The following FUT8 variants were observed in gnomAD, a reference collection of about 807,000 sequenced individuals.
The protein encoded by FUT8 is fucosyltransferase 8, also known as alpha-(1,6)-fucosyltransferase.
Under a neutral mutation model 71.3 loss-of-function variants are expected in FUT8, and 29 were observed. That is an observed-to-expected ratio of 0.41 (90% CI 0.30 to 0.55). The LOEUF (loss-of-function observed/expected upper bound fraction) is 0.55, where lower values mean the gene tolerates loss of function less well. Ranked by LOEUF, FUT8 falls within the 20% of genes least tolerant of loss-of-function variation. The pLI, the probability that FUT8 is intolerant of heterozygous loss-of-function variation, is 0.34. For synonymous variants in FUT8, 254 were observed against 239.3 expected (o/e 1.06, Z -0.57); for missense variants, 544 against 702.1 (o/e 0.77, Z 2.55).
At chr14:65,523,129 G>T (rs1487047253) in intron 2 of FUT8, among the ~76,000 whole-genome samples, 2 of 152,170 alleles carry the variant, frequency 1.3e-5, no homozygotes, top group Non-Finnish European at 2.9e-5. Context: ...TCTAGTTCTA[G>T]ATCCTTGAGG....
the FUT8 span, among the ~76,000 whole-genome samples, chr14:65,373,450 C>T: frequency 6.6e-6 from 1 of 151,718 alleles, no homozygotes; most frequent in African/African-American, 2.4e-5. Flanking sequence ...AGGAGTTCGG[C>T]TGGGGCAGTC....
intron 3 of FUT8, among the ~76,000 whole-genome samples, chr14:65,584,114 TC>T (rs936992444): frequency 4.6e-5 from 7 of 151,142 alleles, no homozygotes; most frequent in African/African-American, 1.5e-4. Flanking sequence ...GACCTTGTGA[TC>T]CGCCCGCCTC....
At chr14:65,362,005 T>C in the FUT8 span, among the ~76,000 whole-genome samples, 3 of 152,156 alleles carry the variant, frequency 2.0e-5, no homozygotes, top group African/African-American at 7.2e-5. Flanking sequence ...TGTTGCAGCA[T>C]ATCTTGTTTC....
At chr14:65,430,143 CTGAG>C (rs2065450422) in intron 1 of FUT8, 1 of 151,660 alleles carries the variant, frequency 6.6e-6, no homozygotes, top group Non-Finnish European at 1.5e-5. Context: ...GCTCAGCCTC[CTGAG>C]TAGCTGGGAC....
the FUT8 span, among the ~76,000 whole-genome samples, chr14:65,376,389 T>A: frequency 6.6e-6 from 1 of 152,060 alleles, no homozygotes; most frequent in South Asian, 2.1e-4. Context: ...GAAATGAAAA[T>A]CTCTCGTTTC....
chr14:65,602,723 T>TGATCA (rs1888372475), intron 3 of FUT8, among the ~76,000 whole-genome samples: 1 of 151,860 alleles, frequency 6.6e-6, no homozygotes, highest in Non-Finnish European at 1.5e-5. Context: ...CTTGTGGGAG[T>TGATCA]AAGGTGGTAT....
chr14:65,397,028 C>T, the FUT8 span, among the ~76,000 whole-genome samples: 1,016 of 152,236 alleles, frequency 6.7e-3, 14 homozygotes, highest in African/African-American at 0.021. This position sits in a 1 kb window ranked among gnomAD's most constrained non-coding sequence, Gnocchi z 4.2. Context: ...ATTTCTTGCT[C>T]ATGTCACAGT....
chr14:65,412,405 A>C (rs181776642), upstream of FUT8: 151 of 449,006 alleles, frequency 3.4e-4, no homozygotes, highest in African/African-American at 2.9e-3. Context: ...GGAGCACAGC[A>C]TTCTCTGGAG....
chr14:65,536,620 T>C (rs1298974294), intron 2 of FUT8, among the ~76,000 whole-genome samples: 1 of 152,228 alleles, frequency 6.6e-6, no homozygotes, highest in African/African-American at 2.4e-5. Context: ...CTGAGAGGTC[T>C]GTTGTTAGTC....
chr14:65,403,374 C>G, the FUT8 span, among the ~76,000 whole-genome samples: 1 of 152,134 alleles, frequency 6.6e-6, no homozygotes, highest in Non-Finnish European at 1.5e-5. Flanking sequence ...ACATTCTGAA[C>G]CATGATTTTA....
At chr14:65,401,393 G>A in the FUT8 span, among the ~76,000 whole-genome samples, 1 of 152,180 alleles carries the variant, frequency 6.6e-6, no homozygotes, top group Non-Finnish European at 1.5e-5. Context: ...CCTTGAAGTA[G>A]TTTGGACCAA....
chr14:65,452,306 T>G (rs2065839486), intron 1 of FUT8, among the ~76,000 whole-genome samples: 1 of 152,174 alleles, frequency 6.6e-6, no homozygotes, highest in African/African-American at 2.4e-5. Flanking sequence ...GGATGGTCTT[T>G]CCACCTAAGA....
intron 1 of FUT8, among the ~76,000 whole-genome samples, chr14:65,434,021 G>T (rs2065517571): frequency 6.6e-6 from 1 of 152,076 alleles, no homozygotes; most frequent in Non-Finnish European, 1.5e-5. Flanking sequence ...GTAATATCTT[G>T]ATATTAGTAG....
chr14:65,450,691 T>G (rs992671252), intron 1 of FUT8, among the ~76,000 whole-genome samples: 1 of 152,186 alleles, frequency 6.6e-6, no homozygotes, highest in Non-Finnish European at 1.5e-5. Context: ...TTATTATTGC[T>G]GATTACTGGA....
At chr14:65,514,195 G>A (rs539638097) in intron 2 of FUT8, among the ~76,000 whole-genome samples, 8 of 148,024 alleles carry the variant, frequency 5.4e-5, no homozygotes, top group Non-Finnish European at 8.9e-5. Flanking sequence ...TCTTTATCAG[G>A]CAGTTTACCA....
intron 2 of FUT8, among the ~76,000 whole-genome samples, chr14:65,525,936 A>AC (rs2139883964): frequency 6.6e-6 from 1 of 152,318 alleles, no homozygotes; most frequent in African/African-American, 2.4e-5. Flanking sequence ...ACAGTTTGTT[A>AC]TAATTTCTGT....
At chr14:65,424,226 A>C (rs751216215) in intron 1 of FUT8, among the ~76,000 whole-genome samples, 17 of 152,230 alleles carry the variant, frequency 1.1e-4, no homozygotes, top group Non-Finnish European at 8.8e-5. Flanking sequence ...CTTTAAGCAA[A>C]TATTCACTCT....
intron 2 of FUT8, chr14:65,468,410 A>G (rs1420000061): frequency 5.0e-6 from 2 of 399,640 alleles, no homozygotes; most frequent in African/African-American, 2.3e-5. Flanking sequence ...TTTTTTTTTA[A>G]CACTAAATAT....
rs544510383 is a variant in FUT8, at chr14:65,632,387, A to G, written c.597+2781A>G. Among the ~76,000 whole-genome samples the G allele has an allele frequency of 6.6e-4, 100 of 152,206 alleles. 1 individual carries two copies. The highest frequency in any genetic ancestry group is 2.3e-3 in the African/African-American group (97 of 41,536). The stretch of plus-strand genomic sequence containing the variant: ...ATCACCGCATCCAGGCCAAACATCT[A>G]CTGTTTTTTGATTTTTTGATAATAG... On this transcript the variant is annotated intron_variant, in intron 6 of 10. Coordinates refer to ENST00000673929, the MANE Select transcript of FUT8 (RefSeq NM_001371533.1).
Sources: allele counts gnomAD v4.1 joint callset (sites outside exome capture counted in the v4.1 genomes callset), GRCh38; gene constraint gnomAD v4.1.1; non-coding constraint Gnocchi (gnomAD v3.1); transcripts MANE v1.5; gene names NCBI Gene and HGNC (gene_info 2026-07-23, HGNC 2026-07-21).